Variants in CTNNA3 observed in about 807,000 individuals in gnomAD.
CTNNA3 encodes catenin alpha 3.
In CTNNA3, 76 loss-of-function variants were observed where a neutral mutation model predicts 95.7. That is an observed-to-expected ratio of 0.79 (90% confidence interval 0.66 to 0.96). CTNNA3 has a LOEUF of 0.96. Ranked by LOEUF, CTNNA3 falls within the 40% of genes least tolerant of loss-of-function variation. The pLI, the probability that CTNNA3 is intolerant of heterozygous loss-of-function variation, is 0.00. For synonymous variants in CTNNA3, 431 were observed against 374.4 expected (o/e 1.15, Z -1.74); for missense variants, 1,191 against 1,089.8 (o/e 1.09, Z -1.31).
At chr10:66,585,868 T>A (rs915916437) in intron 10 of CTNNA3, among the ~76,000 whole-genome samples, 1 of 152,110 alleles carries the variant, frequency 6.6e-6, no homozygotes, top group African/African-American at 2.4e-5. Context: ...GTTTTTATGG[T>A]TCCTTCTCAT....
chr10:67,763,588 T>A (rs1841473958), exon 1 of CTNNA3, among the ~76,000 whole-genome samples: 2 of 152,214 alleles, frequency 1.3e-5, no homozygotes, highest in African/African-American at 4.8e-5. Context: ...TTTTCTCAAA[T>A]TGCCCATCGA....
intron 5 of CTNNA3, among the ~76,000 whole-genome samples, chr10:67,226,768 AC>A (rs1224647626): frequency 6.6e-5 from 10 of 152,146 alleles, no homozygotes; most frequent in African/African-American, 2.4e-4. Context: ...TCAAAACAGA[AC>A]CTCTTTAAAG....
At chr10:66,181,594 G>C (rs529743801) in intron 13 of CTNNA3, among the ~76,000 whole-genome samples, 5 of 152,162 alleles carry the variant, frequency 3.3e-5, no homozygotes, top group Admixed American at 3.3e-4. Context: ...ATTTGTAAAA[G>C]CCCCATTATT....
chr10:67,218,977 T>C (rs1379826130), intron 6 of CTNNA3, among the ~76,000 whole-genome samples: 1 of 152,220 alleles, frequency 6.6e-6, no homozygotes, highest in African/African-American at 2.4e-5. Context: ...CACTCCTAAA[T>C]GGTTGGTTCT....
intron 7 of CTNNA3, among the ~76,000 whole-genome samples, chr10:67,062,771 T>A (rs1203527685): frequency 6.6e-6 from 1 of 152,164 alleles, no homozygotes; most frequent in African/African-American, 2.4e-5. Flanking sequence ...ATTCTGCTAA[T>A]GAGGTACACT....
At position 66,891,944 on chromosome 10, in the gene CTNNA3, C is replaced by A. The variant is rs79828686; in HGVS notation, c.1048-116420G>T. 8.1e-4 allele frequency among the ~76,000 whole-genome samples: 123 copies of A among 152,098 alleles called. 1 individual carries two copies. The highest frequency in any genetic ancestry group is 2.8e-3 in the African/African-American group (116 of 41,508). Reference sequence around the variant, plus strand: ...AACACTAGACTGGATATCTAGAAGCCGCATTTTAGTCTGCCATTGCCAAAC... The same window carrying A: ...AACACTAGACTGGATATCTAGAAGCAGCATTTTAGTCTGCCATTGCCAAAC... On this transcript the variant is annotated intron_variant, in intron 7 of 17. Coordinates refer to ENST00000433211, the MANE Select transcript of CTNNA3 (RefSeq NM_013266.4).
At chr10:66,487,181 A>T (rs112236749) in intron 11 of CTNNA3, among the ~76,000 whole-genome samples, 15 of 45,984 alleles carry the variant, frequency 3.3e-4, no homozygotes, top group African/African-American at 8.1e-4. Flanking sequence ...AAAAGGGCAG[A>T]TTTTTTTTTT....
intron 5 of CTNNA3, among the ~76,000 whole-genome samples, chr10:67,314,288 C>T (rs1044966377): frequency 2.0e-5 from 3 of 152,240 alleles, no homozygotes; most frequent in Admixed American, 6.5e-5. Context: ...CAGTCATTTT[C>T]GCATGACTAT....
chr10:66,507,369 C>T (rs898103228), intron 11 of CTNNA3, among the ~76,000 whole-genome samples: 2 of 152,110 alleles, frequency 1.3e-5, no homozygotes, highest in African/African-American at 4.8e-5. Context: ...TCAAAATCCT[C>T]TCTTCTAGCT....
chr10:66,613,376 T>G (rs1844396333), intron 10 of CTNNA3, among the ~76,000 whole-genome samples: 1 of 152,018 alleles, frequency 6.6e-6, no homozygotes, highest in Admixed American at 6.6e-5. Flanking sequence ...TGCCCCTGCC[T>G]CACCCTAGCT....
At chr10:67,043,081 C>CTGGGGAGT (rs1854504609) in intron 7 of CTNNA3, among the ~76,000 whole-genome samples, 2 of 151,030 alleles carry the variant, frequency 1.3e-5, no homozygotes, top group African/African-American at 4.9e-5. Context: ...AAATTACCTG[C>CTGGGGAGT]AGGTGTGAGG....
intron 7 of CTNNA3, among the ~76,000 whole-genome samples, chr10:66,898,622 G>T (rs1281802573): frequency 6.6e-6 from 1 of 152,132 alleles, no homozygotes; most frequent in Non-Finnish European, 1.5e-5. Flanking sequence ...TAATGTTGAG[G>T]AAACTGGATA....
chr10:67,218,235 G>T (rs1564983254), intron 6 of CTNNA3, among the ~76,000 whole-genome samples: 7 of 152,172 alleles, frequency 4.6e-5, no homozygotes, highest in Admixed American at 3.3e-4. Context: ...CCCAGATACA[G>T]ACTACAGATG....
intron 5 of CTNNA3, among the ~76,000 whole-genome samples, chr10:67,236,852 T>C (rs1456255267): frequency 6.6e-6 from 1 of 151,230 alleles, no homozygotes; most frequent in African/African-American, 2.4e-5. Flanking sequence ...ATGGATGCAG[T>C]GATCAGGGAA....
chr10:67,488,694 A>G (rs1314353223), intron 5 of CTNNA3, among the ~76,000 whole-genome samples: 1 of 109,266 alleles, frequency 9.2e-6, no homozygotes, highest in Admixed American at 8.4e-5. Flanking sequence ...TTTTTGAGAC[A>G]AAGTCCCTTC....
chr10:66,449,448 C>A (rs1316634409), intron 11 of CTNNA3, among the ~76,000 whole-genome samples: 2 of 152,226 alleles, frequency 1.3e-5, no homozygotes, highest in African/African-American at 4.8e-5. Context: ...TTACATGAAA[C>A]AAATTGTCAT....
chr10:66,014,519 C>CT (rs1304256922), intron 15 of CTNNA3, among the ~76,000 whole-genome samples: 1 of 152,144 alleles, frequency 6.6e-6, no homozygotes, highest in Non-Finnish European at 1.5e-5. Context: ...GAGTAGTTCT[C>CT]TCACTTCTAT....
chr10:67,478,852 A>T (rs1416670621), intron 5 of CTNNA3, among the ~76,000 whole-genome samples: 1 of 151,872 alleles, frequency 6.6e-6, no homozygotes, highest in Admixed American at 6.6e-5. Context: ...AATTAAAAAA[A>T]AAAAAACAAG....
intron 16 of CTNNA3, among the ~76,000 whole-genome samples, chr10:65,980,361 G>C (rs1178131622): frequency 1.3e-5 from 2 of 151,698 alleles, no homozygotes; most frequent in African/African-American, 4.8e-5. Context: ...CAACAAAAAA[G>C]TCCAGGACCA....
Sources: allele counts gnomAD v4.1 joint callset (sites outside exome capture counted in the v4.1 genomes callset), GRCh38; gene constraint gnomAD v4.1.1; transcripts MANE v1.5; gene names NCBI Gene and HGNC (gene_info 2026-07-23, HGNC 2026-07-21).